The following UBAP2 variants were observed in gnomAD, a reference collection of about 807,000 sequenced individuals.
The protein encoded by UBAP2 is ubiquitin associated protein 2.
In UBAP2, 75 loss-of-function variants were observed where a neutral mutation model predicts 139.6. The observed-to-expected ratio is 0.54, with a 90% CI of 0.45 to 0.65. UBAP2 has a LOEUF of 0.65. Among genes scored for constraint, UBAP2 ranks in the 30% least tolerant of loss-of-function variants. The pLI is 0.00. For missense variants in UBAP2, 1,368 were observed against 1,369.6 expected, an observed-to-expected ratio of 1.00 and a Z score of 0.02; for synonymous variants, 526 against 526.2, an observed-to-expected ratio of 1.00 and a Z score of 0.01.
intron 11 of UBAP2, among the ~76,000 whole-genome samples, chr9:33,955,689 G>C (rs1826498839): frequency 6.6e-6 from 1 of 151,966 alleles, no homozygotes; most frequent in Non-Finnish European, 1.5e-5. Flanking sequence ...AGCTGGGCGT[G>C]GGGGCGCATG....
chr9:33,999,663 C>A (rs764910960), intron 2 of UBAP2, among the ~76,000 whole-genome samples: 3 of 151,858 alleles, frequency 2.0e-5, no homozygotes, highest in Non-Finnish European at 4.4e-5. Context: ...TCCCAAAGTG[C>A]TGGGATTACA....
rs1031262104 is a variant in UBAP2, at chr9:33,998,868, G to C, written c.100-4C>G. ...GACGCATCTGTTCAGCTGTTGCCTG[G>C]AAAGTACATACAATTGTTAAGGATT... On this transcript the variant is annotated splice_region_variant and splice_polypyrimidine_tract_variant and intron_variant, in intron 2 of 28. Coordinates refer to ENST00000379238, the MANE Select transcript of UBAP2 (RefSeq NM_001370062.2). 1 of 1,608,154 alleles carries C rather than the reference G, an allele frequency of 6.2e-7. No individual in the cohort carries two copies. Among genetic ancestry groups the C allele is most frequent in the Non-Finnish European group, 8.5e-7 (1 of 1,178,826 alleles).
intron 19 of UBAP2, among the ~76,000 whole-genome samples, chr9:33,930,810 C>G (rs958870953): frequency 5.4e-5 from 8 of 147,580 alleles, no homozygotes; most frequent in Non-Finnish European, 8.9e-5. Context: ...GCAGGAGGAT[C>G]GCTTGAACCC....
chr9:34,002,166 C>A (rs973792457), intron 2 of UBAP2, among the ~76,000 whole-genome samples: 3 of 151,694 alleles, frequency 2.0e-5, no homozygotes, highest in Admixed American at 2.0e-4. Flanking sequence ...GTTGCCCATG[C>A]TGGTCTCAAA....
upstream of UBAP2, among the ~76,000 whole-genome samples, chr9:34,049,189 G>A (rs941413960): frequency 3.9e-5 from 6 of 152,206 alleles, no homozygotes; most frequent in East Asian, 5.8e-4. Flanking sequence ...TCGTCGCGCC[G>A]TGATGACCTC....
intron 22 of UBAP2, among the ~76,000 whole-genome samples, chr9:33,925,399 A>C (rs1029921746): frequency 6.6e-6 from 1 of 152,202 alleles, no homozygotes; most frequent in Admixed American, 6.5e-5. Context: ...GCTCACAAGC[A>C]GCAGAGGTGA....
intron 4 of UBAP2, among the ~76,000 whole-genome samples, 185 bp from the exon 5 acceptor site, chr9:33,989,311 C>T (rs1346158026): frequency 6.6e-6 from 1 of 151,852 alleles, no homozygotes; most frequent in Non-Finnish European, 1.5e-5. Context: ...ACAACATTCT[C>T]CTGCCTCAGT....
intron 6 of UBAP2, among the ~76,000 whole-genome samples, chr9:33,981,184 G>GATATATATATATATATTCTGGATAT: frequency 5.8e-4 from 1 of 1,724 alleles, no homozygotes; most frequent in South Asian, 0.014. Flanking sequence ...ATATATTCTG[G>GATATATATATATATATTCTGGATAT]ATATATATAT....
Position 33,956,069 on chromosome 9 carries a change from A to C in UBAP2, c.866+10T>G, listed in dbSNP as rs1297289045. The C allele has an allele frequency of 6.3e-7, 1 of 1,599,556 alleles. No homozygotes were observed. The highest frequency in any genetic ancestry group is 8.5e-7 in the Non-Finnish European group (1 of 1,172,210). Reference sequence around the variant, plus strand: ...TGAATAACAAATATAAGATGGCAAAAAGTATTTACCTTTGCCCAGGTAAGA... The same window carrying C: ...TGAATAACAAATATAAGATGGCAAACAGTATTTACCTTTGCCCAGGTAAGA... On this transcript the variant is annotated intron_variant, in intron 11 of 28. Transcript: ENST00000379238.
intron 2 of UBAP2, among the ~76,000 whole-genome samples, chr9:34,002,553 T>G (rs1822810899): frequency 2.6e-5 from 4 of 152,062 alleles, no homozygotes; most frequent in Admixed American, 2.6e-4. Context: ...AATTTTTGTA[T>G]TTTTAGTAGA....
At chr9:34,042,155 C>T (rs988784640) in intron 1 of UBAP2, among the ~76,000 whole-genome samples, 7 of 151,912 alleles carry the variant, frequency 4.6e-5, no homozygotes, top group African/African-American at 1.7e-4. Flanking sequence ...ATGTTGCTTA[C>T]GGATATACAT....
At chr9:34,027,453 A>C (rs2131316230) in intron 1 of UBAP2, among the ~76,000 whole-genome samples, 1 of 152,252 alleles carries the variant, frequency 6.6e-6, no homozygotes, top group Non-Finnish European at 1.5e-5. Context: ...ATAGTGGCTC[A>C]TGCCTGTAAC....
chr9:34,003,484 C>A (rs1822906142), intron 2 of UBAP2, among the ~76,000 whole-genome samples: 1 of 150,808 alleles, frequency 6.6e-6, no homozygotes, highest in Non-Finnish European at 1.5e-5. Flanking sequence ...GGATTCTCTG[C>A]AACCTCCGCT....
rs749103957 is a variant in UBAP2, at chr9:33,973,241, T to TA, written c.521-5dup. Reference sequence around the variant, plus strand: ...CTCCCTCTGCCACGTCCAAATCCTTTAAAAAAACACACAATTATAGTATAA... The same window carrying TA: ...CTCCCTCTGCCACGTCCAAATCCTTTAAAAAAAACACACAATTATAGTATAA... On this transcript the variant is annotated splice_polypyrimidine_tract_variant and splice_region_variant and intron_variant, in intron 6 of 28. Coordinates refer to ENST00000379238, the MANE Select transcript of UBAP2 (RefSeq NM_001370062.2). 6.1e-5 allele frequency: 99 copies of TA among 1,613,688 alleles called. No homozygotes were observed. Among genetic ancestry groups the TA allele is most frequent in the Admixed American group, 1.8e-4 (11 of 59,984 alleles).
At chr9:33,930,623 C>T (rs371055265) in intron 19 of UBAP2, among the ~76,000 whole-genome samples, 17 of 152,128 alleles carry the variant, frequency 1.1e-4, no homozygotes, top group Admixed American at 5.2e-4. Flanking sequence ...GATGGCCGGG[C>T]GCGGTGGTTC....
chr9:33,940,305 C>T (rs889496345), intron 16 of UBAP2, among the ~76,000 whole-genome samples: 1 of 152,026 alleles, frequency 6.6e-6, no homozygotes, highest in African/African-American at 2.4e-5. Context: ...GGTGTATACA[C>T]CCTAGGAGGG....
chr9:33,951,701 G>A (rs1826122561), intron 12 of UBAP2, among the ~76,000 whole-genome samples: 1 of 151,920 alleles, frequency 6.6e-6, no homozygotes, highest in Non-Finnish European at 1.5e-5. Flanking sequence ...CTAATACAAC[G>A]CCACACAAAC....
chr9:33,941,684 C>G lies in UBAP2; in HGVS notation c.1894G>C (p.Val632Leu). ...CCTGGAGCTGACTCTGATGAACTCACAGGGCTTTGGTATGGGATCCTGTTA... is the reference window on the plus strand; with the variant it reads ...CCTGGAGCTGACTCTGATGAACTCAGAGGGCTTTGGTATGGGATCCTGTTA... The part of the protein sequence containing the change: ...VHNRIPYQSP[V>L]SSSESAPGTI... The change falls in exon 16 of 29, where the codon GTG becomes CTG. Residue 632 changes from valine to leucine, a missense_variant. Physicochemically the swap from Val to Leu is conservative, Grantham distance 32. Transcript: ENST00000379238. 6.2e-7 allele frequency: 1 copy of G among 1,614,144 alleles called. No individual in the cohort carries two copies. The highest frequency in any genetic ancestry group is 8.5e-7 in the Non-Finnish European group (1 of 1,180,030).
At chr9:34,046,643 C>CAAAAAAAAA (rs59971755) in intron 1 of UBAP2, among the ~76,000 whole-genome samples, 1 of 122,332 alleles carries the variant, frequency 8.2e-6, no homozygotes. Context: ...GACTCCATCT[C>CAAAAAAAAA]AAAAAAAAAA....
Sources: gnomAD v4.1 joint callset for allele counts (sites outside exome capture counted in the v4.1 genomes callset) on GRCh38, gnomAD v4.1.1 for gene constraint, MANE v1.5 for transcripts, NCBI Gene and HGNC (gene_info 2026-07-23, HGNC 2026-07-21) for gene names.